INPP5A: variants seen among roughly 807,000 people sequenced by gnomAD.
The protein encoded by INPP5A is inositol polyphosphate-5-phosphatase A.
Under a neutral mutation model 65.2 loss-of-function variants are expected in INPP5A, and 14 were observed. The observed-to-expected ratio is 0.21, with a 90% confidence interval of 0.14 to 0.34. INPP5A has a LOEUF of 0.34. INPP5A is among the 10% of genes least tolerant of loss of function. INPP5A has a pLI of 1.00. For synonymous variants in INPP5A, 207 were observed against 208.3 expected (o/e 0.99, Z 0.05); for missense variants, 431 against 545.6 (o/e 0.79, Z 2.09).
intron 11 of INPP5A, among the ~76,000 whole-genome samples, chr10:132,752,035 G>A (rs1465176336): frequency 2.0e-5 from 3 of 149,360 alleles, no homozygotes; most frequent in Non-Finnish European, 4.5e-5. Context: ...TGCCCAGGAA[G>A]CGTCTGCGTG....
chr10:132,760,371 G>C (rs148967205), intron 11 of INPP5A, among the ~76,000 whole-genome samples: 1 of 152,368 alleles, frequency 6.6e-6, no homozygotes, highest in Non-Finnish European at 1.5e-5. Context: ...GAGGGGCGAT[G>C]GTCCTTCTGG....
rs866079095 is a variant in INPP5A, at chr10:132,758,188, C to T, written c.904-7585C>T. On this transcript the variant is annotated intron_variant, in intron 11 of 15. Transcript: ENST00000368594. ...CCACACCCATAGCCCGGCACCATGG[C>T]GTGGGTCCCCGGCCGACCCCACAGG... Among the ~76,000 whole-genome samples the T allele has an allele frequency of 5.1e-4, 38 of 74,378 alleles. 2 individuals are homozygous for T. Among genetic ancestry groups the T allele is most frequent in the Middle Eastern group, 0.019 (1 of 54 alleles). The allele number at this position is 74,378 out of a possible 152,430, so 48.8% of individuals were successfully genotyped here. A position where few individuals can be genotyped will look rare whatever the true frequency, so the allele number is the denominator to read the frequency against.
rs1333668627 is a variant in INPP5A, at chr10:132,707,091, G to A, written c.475-1222G>A. On this transcript the variant is annotated intron_variant, in intron 6 of 15. Coordinates refer to ENST00000368594, the MANE Select transcript of INPP5A (RefSeq NM_005539.5). This position sits in a 1 kb window ranked among gnomAD's most constrained non-coding sequence, Gnocchi z 5.5. Reference sequence around the variant, plus strand: ...TTAGATAGAGGGAGCACGCCACGCTGGACCCTTTCTTCACGGGTGTTTCGT... The same window carrying A: ...TTAGATAGAGGGAGCACGCCACGCTAGACCCTTTCTTCACGGGTGTTTCGT... Among the ~76,000 whole-genome samples, 1 of 152,220 alleles carries A rather than the reference G, an allele frequency of 6.6e-6. No homozygotes were observed. The highest frequency in any genetic ancestry group is 1.5e-5 in the Non-Finnish European group (1 of 68,028).
Position 132,710,225 on chromosome 10 carries a change from G to A in INPP5A, c.528-112G>A, listed in dbSNP as rs1040346316. 6.0e-5 allele frequency: 79 copies of A among 1,319,144 alleles called. 1 individual carries two copies. The highest frequency in any genetic ancestry group is 5.4e-4 in the Admixed American group (25 of 45,920). 81.7% of individuals were successfully genotyped at this position (1,319,144 alleles called of 1,614,324 possible). ...CAGGTGCCCCGCCTCGGGTGGCTCC[G>A]CACGGCGGAGGCCAGTGCAGGTCTT... On this transcript the variant is annotated intron_variant, in intron 7 of 15. Coordinates refer to ENST00000368594, the MANE Select transcript of INPP5A (RefSeq NM_005539.5).
At chr10:132,564,478 G>A (rs982933488) in intron 1 of INPP5A, among the ~76,000 whole-genome samples, 1 of 152,106 alleles carries the variant, frequency 6.6e-6, no homozygotes, top group African/African-American at 2.4e-5. Context: ...TCCCTGGGCT[G>A]TGCGGCCCCT....
chr10:132,697,988 C>A lies in INPP5A; in HGVS notation c.474+69C>A. ...TGAGCCAGTCAGAAGTGACATGGAACACGGAATTTTCGCATTGCACTGTTA... is the reference window on the plus strand; with the variant it reads ...TGAGCCAGTCAGAAGTGACATGGAAAACGGAATTTTCGCATTGCACTGTTA... On this transcript the variant is annotated intron_variant, in intron 6 of 15. Coordinates refer to ENST00000368594, the MANE Select transcript of INPP5A (RefSeq NM_005539.5). The surrounding 1 kb of genome is among the most constrained non-coding windows in gnomAD (Gnocchi z 5.6). 9.4e-7 allele frequency: 1 copy of A among 1,058,326 alleles called. No homozygotes were observed. The highest frequency in any genetic ancestry group is 1.3e-5 in the South Asian group (1 of 75,360). The allele number at this position is 1,058,326 out of a possible 1,614,324, so 65.6% of individuals were successfully genotyped here.
chr10:132,713,039 TGTGTGG>T (rs980624040), intron 8 of INPP5A, among the ~76,000 whole-genome samples: 51 of 151,524 alleles, frequency 3.4e-4, no homozygotes, highest in Middle Eastern at 6.8e-3. Context: ...TGTGTGCGTG[TGTGTGG>T]GTGTGTGTGC....
At chr10:132,692,119 A>G (rs1845278701) in intron 5 of INPP5A, among the ~76,000 whole-genome samples, 1 of 152,168 alleles carries the variant, frequency 6.6e-6, no homozygotes, top group Admixed American at 6.5e-5. Flanking sequence ...GGCTCTGAGA[A>G]GGACTCAAAA....
In INPP5A at chr10:132,765,828, A is replaced by G; in HGVS notation, c.959A>G (p.Asp320Gly). ...SVFKDRLYEL[D>G]ISFPPSYPYS... ...TTTAAGGACAGACTGTATGAACTGG[A>G]CATCTCGTTCCCTCCCAGGTATGGA... The change falls in exon 12 of 16, where the codon GAC becomes GGC. Residue 320 changes from aspartate to glycine, a missense_variant. Coordinates refer to ENST00000368594, the MANE Select transcript of INPP5A (RefSeq NM_005539.5). 1 of 1,602,258 alleles carries G rather than the reference A, an allele frequency of 6.2e-7. No homozygotes were observed. The highest frequency in any genetic ancestry group is 8.6e-7 in the Non-Finnish European group (1 of 1,169,246).
At chr10:132,562,554 C>T (rs182377242) in intron 1 of INPP5A, among the ~76,000 whole-genome samples, 38 of 152,362 alleles carry the variant, frequency 2.5e-4, no homozygotes, top group Non-Finnish European at 4.4e-5. Flanking sequence ...AGACTGCGTT[C>T]TGGATGTGGC....
intron 9 of INPP5A, among the ~76,000 whole-genome samples, chr10:132,739,208 T>C (rs1846230486): frequency 6.6e-6 from 1 of 152,248 alleles, no homozygotes; most frequent in African/African-American, 2.4e-5. Flanking sequence ...ATTGGCACCA[T>C]GGCACACTTT....
intron 4 of INPP5A, among the ~76,000 whole-genome samples, chr10:132,662,882 T>G (rs961957096): frequency 1.3e-5 from 2 of 152,208 alleles, no homozygotes; most frequent in African/African-American, 4.8e-5. Flanking sequence ...AGTCTCCTAA[T>G]TGTGGTGATG....
rs1846745491 is a variant in INPP5A, at chr10:132,762,148, G to A, written c.904-3625G>A. On this transcript the variant is annotated intron_variant, in intron 11 of 15. Coordinates refer to ENST00000368594, the MANE Select transcript of INPP5A (RefSeq NM_005539.5). The surrounding 1 kb of genome is among the most constrained non-coding windows in gnomAD (Gnocchi z 4.6). ...GACAGGAGGGTCGGGGCTGGGAGAG[G>A]AGGGAAGAGCCCAGCGCTTGCGCAG... is the stretch of plus-strand genomic sequence containing the variant. 6.6e-6 allele frequency among the ~76,000 whole-genome samples: 1 copy of A among 152,208 alleles called. No homozygotes were observed. Among genetic ancestry groups the A allele is most frequent in the Non-Finnish European group, 1.5e-5 (1 of 68,042 alleles).
intron 2 of INPP5A, among the ~76,000 whole-genome samples, chr10:132,624,774 A>G (rs906301971): frequency 2.0e-5 from 3 of 152,040 alleles, no homozygotes; most frequent in South Asian, 4.1e-4. Context: ...CCGGACTTAG[A>G]ATGTCCAGAG....
At chr10:132,723,884 C>G (rs908954053) in intron 8 of INPP5A, among the ~76,000 whole-genome samples, 1 of 152,174 alleles carries the variant, frequency 6.6e-6, no homozygotes, top group Non-Finnish European at 1.5e-5. Context: ...TCTGTGCTCA[C>G]GGGACACAGC....
At chr10:132,581,277 A>G (rs528205010) in intron 1 of INPP5A, among the ~76,000 whole-genome samples, 9 of 152,354 alleles carry the variant, frequency 5.9e-5, no homozygotes, top group Non-Finnish European at 1.2e-4. Flanking sequence ...TCCTGTCGAC[A>G]GGAGTTTCCT....
At chr10:132,689,017 G>A (rs537127898) in intron 4 of INPP5A, among the ~76,000 whole-genome samples, 8 of 151,746 alleles carry the variant, frequency 5.3e-5, no homozygotes, top group African/African-American at 1.4e-4. Flanking sequence ...GTGCTTGTGC[G>A]TGAGTGCATA....
intron 2 of INPP5A, among the ~76,000 whole-genome samples, chr10:132,624,444 C>T (rs572150236): frequency 1.3e-5 from 2 of 150,946 alleles, no homozygotes; most frequent in Admixed American, 1.3e-4. Flanking sequence ...CACACCGGCA[C>T]GTGCACTTCC....
At chr10:132,592,809 C>T (rs533606038) in intron 1 of INPP5A, among the ~76,000 whole-genome samples, 11 of 152,366 alleles carry the variant, frequency 7.2e-5, no homozygotes, top group African/African-American at 1.2e-4. Context: ...CAGGTGGCCA[C>T]GGATGTCGTG....
Sources: gnomAD v4.1 joint callset for allele counts (sites outside exome capture counted in the v4.1 genomes callset) on GRCh38, gnomAD v4.1.1 for gene constraint, Gnocchi (gnomAD v3.1) non-coding constraint, MANE v1.5 for transcripts, NCBI Gene and HGNC (gene_info 2026-07-23, HGNC 2026-07-21) for gene names.